The following CES5A variants were observed in gnomAD, a reference collection of about 807,000 sequenced individuals.
The protein encoded by CES5A is carboxylesterase 5A, also known as carboxylesterase 5.
CES5A carries 67 observed loss-of-function variants against 62.9 expected under a neutral mutation model. The ratio of observed to expected loss-of-function variants is 1.07; its 90% CI spans 0.88 to 1.31. The LOEUF is 1.31. Among genes scored for constraint, CES5A ranks in the 50% most tolerant of loss-of-function variants. The pLI is 0.00. For missense variants in CES5A, 748 were observed against 708.5 expected, an observed-to-expected ratio of 1.06 and a Z score of -0.63; for synonymous variants, 296 against 280.8, an observed-to-expected ratio of 1.05 and a Z score of -0.54.
intron 3 of CES5A, among the ~76,000 whole-genome samples, chr16:55,870,742 G>A (rs753907184): frequency 3.3e-5 from 5 of 152,056 alleles, no homozygotes; most frequent in Non-Finnish European, 5.9e-5. Context: ...TAGAAAAATT[G>A]GGATCAGGGA....
chr16:55,884,395 C>A (rs565849862), intron 1 of CES5A, among the ~76,000 whole-genome samples: 1 of 152,332 alleles, frequency 6.6e-6, no homozygotes, highest in East Asian at 1.9e-4. Flanking sequence ...CTTGTCTGAT[C>A]CTCTGGCCTT....
chr16:55,937,549 A>G (rs924759678), intron 2 of CES5A, among the ~76,000 whole-genome samples: 1 of 152,186 alleles, frequency 6.6e-6, no homozygotes, highest in Non-Finnish European at 1.5e-5. Flanking sequence ...ACCAAAAAAA[A>G]CATGGGGATG....
chr16:55,880,413 T>C (rs2033749015), intron 1 of CES5A, among the ~76,000 whole-genome samples: 2 of 152,096 alleles, frequency 1.3e-5, no homozygotes, highest in African/African-American at 4.8e-5. Flanking sequence ...GAAGTGGGGC[T>C]CCCATTGCTC....
rs1357565954 is a variant in CES5A, at chr16:55,875,234, C to A, written c.-13G>T. 6.2e-7 allele frequency: 1 copy of A among 1,612,610 alleles called. No individual in the cohort carries two copies. Among genetic ancestry groups the A allele is most frequent in the Admixed American group, 1.7e-5 (1 of 59,718 alleles). The stretch of plus-strand genomic sequence containing the variant: ...AATTCCCACTCATTTGGCTGCCTGC[C>A]TGCACTCTGTGAACATTGACGGCGG... On this transcript the variant is annotated 5_prime_UTR_variant, in exon 1 of 13. In the 5' UTR this introduces an upstream ATG that the reference lacks. Transcript: ENST00000290567.
intron 2 of CES5A, among the ~76,000 whole-genome samples, chr16:55,934,656 G>GT (rs1567360452): frequency 7.4e-6 from 1 of 135,568 alleles, no homozygotes. Flanking sequence ...AAATTGTGTG[G>GT]GGTGTGTGTG....
chr16:55,905,828 GC>G (rs1348660207), intron 1 of CES5A, among the ~76,000 whole-genome samples: 1 of 152,132 alleles, frequency 6.6e-6, no homozygotes, highest in Non-Finnish European at 1.5e-5. Context: ...AACTATACGC[GC>G]AATGGAGAAC....
chr16:55,943,321 G>A (rs2034463622), intron 2 of CES5A, among the ~76,000 whole-genome samples: 1 of 152,206 alleles, frequency 6.6e-6, no homozygotes, highest in African/African-American at 2.4e-5. Context: ...TAAACTGCGA[G>A]AGATCAGAAT....
At chr16:55,938,813 TATAC>T (rs1567362473) in intron 2 of CES5A, among the ~76,000 whole-genome samples, 20 of 111,338 alleles carry the variant, frequency 1.8e-4, no homozygotes, top group Non-Finnish European at 3.3e-4. Flanking sequence ...CATATATATA[TATAC>T]ACACACATAT....
rs60960634 is a variant in CES5A at position 55,930,782 on chromosome 16, G to A, written c.160+19003C>T. ...AAACTGTAGGCTTCATGAAAACAGA[G>A]AGATTGGGCCTGTATGTTTTATCTC... On this transcript the variant is annotated intron_variant, in intron 2 of 13. Coordinates refer to the CES5A transcript ENST00000521992. Among the ~76,000 whole-genome samples, 78 of 152,294 alleles carry A rather than the reference G, an allele frequency of 5.1e-4. No homozygotes were observed. In the East Asian group the frequency reaches 0.013, roughly 25 times the overall value.
chr16:55,887,382 CA>C (rs202239600), intron 1 of CES5A, among the ~76,000 whole-genome samples: 1,626 of 91,168 alleles, frequency 0.018, 19 homozygotes, highest in African/African-American at 0.058. Flanking sequence ...GGACCAGAGG[CA>C]AAAAAAAAAA....
intron 2 of CES5A, among the ~76,000 whole-genome samples, chr16:55,938,735 CAAAAAAAAAAAAAAAAAAAAA>C (rs1171756916): frequency 8.6e-4 from 25 of 29,130 alleles, no homozygotes; most frequent in Middle Eastern, 0.038. Context: ...GACTCCATCT[CAAAAAAAAAAAAAAAAAAAAA>C]AAAAAAAAAA....
upstream of CES5A, chr16:55,875,403 T>A (rs1203936987): frequency 6.6e-6 from 9 of 1,370,844 alleles, no homozygotes; most frequent in Non-Finnish European, 8.5e-6. Context: ...AAGCAAGACT[T>A]TCCTGTTCTG....
In CES5A at chr16:55,887,553, C is replaced by G. The variant is rs147695803; in HGVS notation, c.-255-13516G>C. 9.9e-5 allele frequency among the ~76,000 whole-genome samples: 15 copies of G among 152,252 alleles called. No individual in the cohort carries two copies. In the South Asian group the frequency reaches 1.0e-3, roughly 11 times the overall value. Reference sequence around the variant, plus strand: ...AGTCTGGAGCATCTCACCAGGTAGACTTGGACTCAGGCCCTGTTGCAGCAA... The same window carrying G: ...AGTCTGGAGCATCTCACCAGGTAGAGTTGGACTCAGGCCCTGTTGCAGCAA... On this transcript the variant is annotated intron_variant, in intron 1 of 12. Transcript: ENST00000518005.
intron 1 of CES5A, among the ~76,000 whole-genome samples, chr16:55,905,142 G>A (rs1391591023): frequency 6.6e-6 from 1 of 152,144 alleles, no homozygotes; most frequent in Non-Finnish European, 1.5e-5. Context: ...AGGGCAAGAA[G>A]TTCTTCTCCC....
At chr16:55,898,056 T>C (rs1178804406) in intron 1 of CES5A, among the ~76,000 whole-genome samples, 1 of 152,210 alleles carries the variant, frequency 6.6e-6, no homozygotes, top group Non-Finnish European at 1.5e-5. Flanking sequence ...AGAATAGTGC[T>C]TGCCCTGGTG....
At position 55,936,523 on chromosome 16, in the gene CES5A, C is replaced by T. The variant is rs140294079; in HGVS notation, c.160+13262G>A. On this transcript the variant is annotated intron_variant, in intron 2 of 13. Coordinates refer to the CES5A transcript ENST00000521992. The stretch of plus-strand genomic sequence containing the variant: ...TTTTCTGTTGGACCCAAGCATACAC[C>T]GGGTTTCTCCAGCTGGCCACTAAGT... 3.6e-3 allele frequency among the ~76,000 whole-genome samples: 547 copies of T among 152,250 alleles called. 4 individuals are homozygous for T. The highest frequency in any genetic ancestry group is 0.012 in the African/African-American group (496 of 41,544).
chr16:55,940,348 A>C (rs1295629862), intron 2 of CES5A, among the ~76,000 whole-genome samples: 1 of 152,034 alleles, frequency 6.6e-6, no homozygotes, highest in Non-Finnish European at 1.5e-5. Context: ...AATGAAAGAG[A>C]AGATATCACT....
intron 1 of CES5A, among the ~76,000 whole-genome samples, chr16:55,952,189 C>T (rs1263977555): frequency 2.0e-5 from 3 of 152,010 alleles, no homozygotes; most frequent in Non-Finnish European, 4.4e-5. Flanking sequence ...GAAAATAACT[C>T]TTAGGTTAGC....
chr16:55,892,245 G>T (rs2033887869), intron 1 of CES5A, among the ~76,000 whole-genome samples: 1 of 152,026 alleles, frequency 6.6e-6, no homozygotes, highest in East Asian at 1.9e-4. Context: ...TAGCCTGGAA[G>T]CCCCCACACA....
Sources: allele counts gnomAD v4.1 joint callset (sites outside exome capture counted in the v4.1 genomes callset), GRCh38; gene constraint gnomAD v4.1.1; transcripts MANE v1.5; gene names NCBI Gene and HGNC (gene_info 2026-07-23, HGNC 2026-07-21).